Variants in ARID4A observed in about 807,000 individuals in gnomAD.
ARID4A encodes AT-rich interactive domain-containing protein 4A.
ARID4A carries 39 observed loss-of-function variants against 148.6 expected under a neutral mutation model. The ratio of observed to expected loss-of-function variants is 0.26; its 90% CI spans 0.20 to 0.34. The LOEUF is 0.34. ARID4A is among the 10% of genes least tolerant of loss of function. The probability of loss-of-function intolerance (pLI) is 1.00; values close to 1 mark genes in which losing one functional copy is unlikely to be tolerated. For missense variants in ARID4A, 1,265 were observed against 1,449.1 expected, an observed-to-expected ratio of 0.87 and a Z score of 2.06; for synonymous variants, 475 against 481.2, an observed-to-expected ratio of 0.99 and a Z score of 0.17.
At chr14:58,299,563 C>CGGG in intron 1 of ARID4A, 1 of 533,438 alleles carries the variant, frequency 1.9e-6, no homozygotes, top group Non-Finnish European at 3.4e-6. Context: ...GCCAGCGAGG[C>CGGG]GGGGGCGCGG....
intron 17 of ARID4A, 27 bp downstream of exon 17, chr14:58,353,882 T>C (rs775245281): frequency 1.1e-5 from 17 of 1,583,876 alleles, no homozygotes; most frequent in Non-Finnish European, 1.3e-5. Context: ...TTTCTTACTA[T>C]TGAAATTTTT....
At chr14:58,344,915 C>A in intron 12 of ARID4A, 148 bp downstream of exon 12, 1 of 646,162 alleles carries the variant, frequency 1.5e-6, no homozygotes, top group Non-Finnish European at 2.6e-6. Flanking sequence ...CTTTGATGCC[C>A]AGGCTGGAGT....
At chr14:58,309,536 A>G (rs897848193) in intron 5 of ARID4A, among the ~76,000 whole-genome samples, 1 of 152,206 alleles carries the variant, frequency 6.6e-6, no homozygotes, top group Non-Finnish European at 1.5e-5. Flanking sequence ...TATGTTTTTT[A>G]AAAAAGGAAT....
chr14:58,357,469 G>C (rs1230390735), intron 17 of ARID4A, among the ~76,000 whole-genome samples: 2 of 152,206 alleles, frequency 1.3e-5, no homozygotes, highest in African/African-American at 4.8e-5. Flanking sequence ...AGATACATGA[G>C]TTTCTATTAA....
In ARID4A at chr14:58,347,730, A is replaced by G; in HGVS notation, c.1256A>G (p.Glu419Gly). 6.2e-7 allele frequency: 1 copy of G among 1,613,952 alleles called. No individual in the cohort carries two copies. Among genetic ancestry groups the G allele is most frequent in the Non-Finnish European group, 8.5e-7 (1 of 1,179,902 alleles). ...CATCACCATGAACCAAAAGTAAAAG[A>G]GGAAAAAAAAGACTTAGAAGAATCA... The part of the protein sequence containing the change: ...TVHHHEPKVK[E>G]EKKDLEESME... The change falls in exon 15 of 24, where the codon GAG becomes GGG. Residue 419 changes from glutamate (E) to glycine (G), a missense_variant. This residue lies in a region of ARID4A where 205 missense variants were observed against 196.9 expected (regional missense o/e 1.04). Transcript: ENST00000355431.
At chr14:58,330,226 A>T in intron 11 of ARID4A, 57 bp downstream of exon 11, 1 of 1,553,668 alleles carries the variant, frequency 6.4e-7, no homozygotes. Flanking sequence ...AGTGAAAATA[A>T]TACCTTCATA....
intron 7 of ARID4A, among the ~76,000 whole-genome samples, chr14:58,322,287 T>C (rs1229259760): frequency 6.6e-6 from 1 of 152,102 alleles, no homozygotes; most frequent in Non-Finnish European, 1.5e-5. Context: ...TATATAAATT[T>C]ATTAGTGTGT....
chr14:58,341,324 A>T (rs1343638387), intron 11 of ARID4A, among the ~76,000 whole-genome samples: 1 of 152,194 alleles, frequency 6.6e-6, no homozygotes, highest in Non-Finnish European at 1.5e-5. Context: ...GCATACTATT[A>T]CAAAGTCCTT....
intron 22 of ARID4A, among the ~76,000 whole-genome samples, 155 bp from the exon 23 acceptor site, chr14:58,366,728 G>A (rs973603598): frequency 6.6e-6 from 1 of 152,022 alleles, no homozygotes; most frequent in African/African-American, 2.4e-5. Context: ...TTTAATTCAC[G>A]ACTTCCTTGT....
intron 19 of ARID4A, among the ~76,000 whole-genome samples, chr14:58,361,383 A>G (rs2035124851): frequency 6.6e-6 from 1 of 152,176 alleles, no homozygotes; most frequent in Admixed American, 6.5e-5. Context: ...TGTTCATGAA[A>G]TAAAGATTGT....
intron 23 of ARID4A, among the ~76,000 whole-genome samples, chr14:58,368,934 G>A (rs1345457305): frequency 6.6e-6 from 1 of 152,128 alleles, no homozygotes; most frequent in Admixed American, 6.5e-5. Flanking sequence ...TGTTCAATTT[G>A]TATCCAGAGA....
chr14:58,325,547 T>C (rs2033161960), intron 8 of ARID4A, among the ~76,000 whole-genome samples: 1 of 152,200 alleles, frequency 6.6e-6, no homozygotes, highest in Non-Finnish European at 1.5e-5. Flanking sequence ...TCCGAGGTGC[T>C]GGAATCACAG....
At chr14:58,306,731 A>T (rs1011041187) in intron 5 of ARID4A, among the ~76,000 whole-genome samples, 4 of 152,134 alleles carry the variant, frequency 2.6e-5, no homozygotes, top group Non-Finnish European at 5.9e-5. Context: ...TACACAAATT[A>T]GCCTGGTATT....
intron 17 of ARID4A, among the ~76,000 whole-genome samples, chr14:58,354,098 A>AGGGAGAACACAC (rs1455267611): frequency 1.3e-5 from 2 of 152,144 alleles, no homozygotes; most frequent in African/African-American, 4.8e-5. Flanking sequence ...ATTTATAGTG[A>AGGGAGAACACAC]GGGAGAACAC....
chr14:58,350,602 A>G (rs1283290372), intron 15 of ARID4A, among the ~76,000 whole-genome samples: 2 of 152,234 alleles, frequency 1.3e-5, no homozygotes, highest in South Asian at 2.1e-4. Context: ...TACAGTGACA[A>G]TGTAAATTTT....
Position 58,364,345 on chromosome 14 carries a change from G to A in ARID4A, c.2256G>A (p.Met752Ile). Residue 752 changes from methionine (M) to isoleucine (I), a missense_variant, in exon 20 of 24, where the codon ATG becomes ATA. Physicochemically the swap from Met to Ile is conservative, Grantham distance 10 (BLOSUM62 1). Transcript: ENST00000355431. Reference protein sequence around the residue: ...HILKENDRTQMQPLETLKLEV... With the variant: ...HILKENDRTQIQPLETLKLEV... ...TAAAAGAAAATGATAGGACTCAAAT[G>A]CAGCCTTTAGAAACCCTGAAGTTAG... is the stretch of plus-strand genomic sequence containing the variant. 1.3e-6 allele frequency: 2 copies of A among 1,587,026 alleles called. No homozygotes were observed. The highest frequency in any genetic ancestry group is 1.7e-6 in the Non-Finnish European group (2 of 1,173,002).
At chr14:58,339,592 G>C (rs969079653) in intron 11 of ARID4A, among the ~76,000 whole-genome samples, 3 of 152,074 alleles carry the variant, frequency 2.0e-5, no homozygotes, top group African/African-American at 7.2e-5. Flanking sequence ...TTGGAAACTA[G>C]AGTTGCTAGC....
chr14:58,346,512 A>G lies in ARID4A; in HGVS notation c.1074+7A>G. ...TCAGGGTGGATGTGACAATGTAAGT[A>G]TAACATTGCTTTTTGAAACATGTAT... is the stretch of plus-strand genomic sequence containing the variant. On this transcript the variant is annotated splice_region_variant and intron_variant, in intron 13 of 23. Transcript: ENST00000355431. The G allele has an allele frequency of 6.3e-7, 1 of 1,577,444 alleles. No homozygotes were observed. Among genetic ancestry groups the G allele is most frequent in the Non-Finnish European group, 8.7e-7 (1 of 1,150,160 alleles).
intron 11 of ARID4A, among the ~76,000 whole-genome samples, chr14:58,337,246 T>TTTTATATATATATATATATATATA (rs1555361740): frequency 2.4e-5 from 2 of 83,818 alleles, no homozygotes; most frequent in Non-Finnish European, 5.1e-5. Context: ...TTCTCTTTAT[T>TTTTATATATATATATATATATATA]TATATATATA....
Sources: gnomAD v4.1 joint callset for allele counts (sites outside exome capture counted in the v4.1 genomes callset) on GRCh38, gnomAD v4.1.1 for gene constraint, gnomAD v4.1.1 regional missense constraint, MANE v1.5 for transcripts, NCBI Gene and HGNC (gene_info 2026-07-23, HGNC 2026-07-21) for gene names.